The following PRRC1 variants were observed in gnomAD, a reference collection of about 807,000 sequenced individuals.
PRRC1 encodes proline rich coiled-coil 1, also known as protein PRRC1.
In PRRC1, 39 loss-of-function variants were observed where a neutral mutation model predicts 40.7. The ratio of observed to expected loss-of-function variants is 0.96; its 90% CI spans 0.74 to 1.25. PRRC1 has a LOEUF of 1.25. PRRC1 is among the 50% of genes most tolerant of loss of function. The pLI is 0.00. For missense variants in PRRC1, 573 were observed against 548.3 expected (o/e 1.05, Z -0.45); for synonymous variants, 175 against 193.3 (o/e 0.91, Z 0.79).
At chr5:127,549,405 T>C (rs1487654301) in intron 8 of PRRC1, 3 of 152,170 alleles carry the variant, frequency 2.0e-5, no homozygotes, top group African/African-American at 4.8e-5. Context: ...CATGAAAAAT[T>C]TGTCCCAAGA....
chr5:127,536,607 G>T (rs1767910154), intron 6 of PRRC1, among the ~76,000 whole-genome samples: 1 of 152,058 alleles, frequency 6.6e-6, no homozygotes, highest in South Asian at 2.1e-4. Context: ...ACTGAAATTA[G>T]AGACTAAAAC....
chr5:127,528,814 G>A (rs1767691949), intron 4 of PRRC1, among the ~76,000 whole-genome samples: 1 of 152,082 alleles, frequency 6.6e-6, no homozygotes, highest in South Asian at 2.1e-4. Flanking sequence ...ACTCAATGGA[G>A]TATTTCAATA....
chr5:127,551,768 G>T lies in PRRC1; in HGVS notation c.1190G>T (p.Gly397Val), dbSNP rs996842803. 1 of 1,614,112 alleles carries T rather than the reference G, an allele frequency of 6.2e-7. No individual in the cohort carries two copies. Among genetic ancestry groups the T allele is most frequent in the South Asian group, 1.1e-5 (1 of 91,084 alleles). Residue 397 changes from glycine to valine, a missense_variant, in exon 9 of 9, where the codon GGT becomes GTT. Physicochemically the swap from Gly to Val is moderately radical, Grantham distance 109. Coordinates refer to ENST00000296666, the MANE Select transcript of PRRC1 (RefSeq NM_130809.5). The stretch of plus-strand genomic sequence containing the variant: ...TGGTCAGGCCTTTTGGTGACAGTGG[G>T]TGAAGTCCTGGAAAAGAGTTTACTG... The part of the protein sequence containing the change: ...LRWSGLLVTV[G>V]EVLEKSLLNV...
rs1490431931 is a variant in PRRC1 at position 127,551,882 on chromosome 5, T to G, written c.1304T>G (p.Met435Arg). The G allele has an allele frequency of 6.2e-7, 1 of 1,613,928 alleles. No individual in the cohort carries two copies. Among genetic ancestry groups the G allele is most frequent in the Non-Finnish European group, 8.5e-7 (1 of 1,179,980 alleles). ...AGTGCAGCCAGAGCGATAGCGGGCATGTATAAACAGCGCCTGCCACCCAGG... is the reference window on the plus strand; with the variant it reads ...AGTGCAGCCAGAGCGATAGCGGGCAGGTATAAACAGCGCCTGCCACCCAGG... ...IYSAARAIAG[M>R]YKQRLPPRTV Residue 435 changes from methionine (M) to arginine (R), a missense_variant, in exon 9 of 9, where the codon ATG (methionine) becomes AGG (arginine). Transcript: ENST00000296666.
In PRRC1 at chr5:127,523,459, G is replaced by C; in HGVS notation, c.-20-1G>C. 1 of 1,484,154 alleles carries C rather than the reference G, an allele frequency of 6.7e-7. No homozygotes were observed. Among genetic ancestry groups the C allele is most frequent in the South Asian group, 1.2e-5 (1 of 83,130 alleles). 91.9% of individuals were successfully genotyped at this position (1,484,154 alleles called of 1,614,324 possible). On this transcript the variant is annotated splice_acceptor_variant, in intron 1 of 8. Transcript: ENST00000296666. LOFTEE classifies it low-confidence loss of function (5UTR_SPLICE). ...TTTGTTACATTTTTGTGTTTTTATAGTATACCATAATTGAAGAAAAATGAT... is the reference window on the plus strand; with the variant it reads ...TTTGTTACATTTTTGTGTTTTTATACTATACCATAATTGAAGAAAAATGAT...
At chr5:127,544,992 A>G (rs1045758271) in intron 7 of PRRC1, among the ~76,000 whole-genome samples, 1 of 152,232 alleles carries the variant, frequency 6.6e-6, no homozygotes, top group Non-Finnish European at 1.5e-5. Flanking sequence ...TGGGAGCTGT[A>G]GACAGGAGCT....
At chr5:127,519,691 G>C (rs1031159173) in intron 1 of PRRC1, among the ~76,000 whole-genome samples, 1 of 151,954 alleles carries the variant, frequency 6.6e-6, no homozygotes, top group Non-Finnish European at 1.5e-5. Flanking sequence ...TTTTCTCTTG[G>C]TATTCTCTTA....
At chr5:127,535,829 C>T (rs956588252) in intron 6 of PRRC1, among the ~76,000 whole-genome samples, 4 of 152,042 alleles carry the variant, frequency 2.6e-5, no homozygotes, top group Admixed American at 2.0e-4. Context: ...TATAATTAGT[C>T]ACTAAACACA....
chr5:127,537,630 G>A (rs1165327476), intron 6 of PRRC1, among the ~76,000 whole-genome samples: 2 of 151,890 alleles, frequency 1.3e-5, no homozygotes, highest in African/African-American at 4.8e-5. Flanking sequence ...TCTGTTCCCT[G>A]GAAGCATAAA....
chr5:127,520,449 T>C (rs1200374039), intron 1 of PRRC1, among the ~76,000 whole-genome samples: 1 of 152,236 alleles, frequency 6.6e-6, no homozygotes, highest in East Asian at 1.9e-4. Flanking sequence ...CTTCAGCAGG[T>C]ACATTTATAC....
intron 1 of PRRC1, 26 bp downstream of exon 1, chr5:127,517,802 CGTGTATGAGGGGG>C (rs1767354758): frequency 6.6e-6 from 1 of 152,528 alleles, no homozygotes; most frequent in African/African-American, 2.4e-5. Flanking sequence ...CTCCGAGGGG[CGTGTATGAGGGGG>C]GTGGCATGGC....
chr5:127,544,606 C>T (rs771745006), intron 7 of PRRC1, among the ~76,000 whole-genome samples: 3 of 152,248 alleles, frequency 2.0e-5, no homozygotes, highest in Non-Finnish European at 2.9e-5. Flanking sequence ...CCCGCAGCCT[C>T]GCTGCCGCCT....
rs755143952 is a variant in PRRC1, at chr5:127,524,569, A to G, written c.142A>G (p.Met48Val). The G allele has an allele frequency of 1.2e-6, 2 of 1,613,830 alleles. No individual in the cohort carries two copies. Among genetic ancestry groups the G allele is most frequent in the South Asian group, 1.1e-5 (1 of 91,056 alleles). ...SSFSSPNVSSMESFPPLAYST... is the reference protein window; with the variant it reads ...SSFSSPNVSSVESFPPLAYST... ...TTTTTCTTCTCCAAATGTATCCTCC[A>G]TGGAGTCCTTCCCACCACTCGCATA... The change falls in exon 3 of 9, where the codon ATG becomes GTG. Residue 48 changes from methionine (M) to valine (V), a missense_variant. Coordinates refer to ENST00000296666, the MANE Select transcript of PRRC1 (RefSeq NM_130809.5).
rs1458539265 is a variant in PRRC1, at chr5:127,553,068, A to AT, written c.*1153dup. On this transcript the variant is annotated 3_prime_UTR_variant, in exon 9 of 9. Transcript: ENST00000296666. Reference sequence around the variant, plus strand: ...TTTTCTTAATACTGTTGGACTTTGTATATACAAGTTCAAATAACTTTTTCG... The same window carrying AT: ...TTTTCTTAATACTGTTGGACTTTGTATTATACAAGTTCAAATAACTTTTTCG... The AT allele has an allele frequency of 1.2e-5, 9 of 759,746 alleles. No individual in the cohort carries two copies. The highest frequency in any genetic ancestry group is 1.9e-5 in the African/African-American group (1 of 52,548). The allele number at this position is 759,746 out of a possible 1,614,324, so 47.1% of individuals were successfully genotyped here.
At chr5:127,542,211 T>C (rs994218342) in intron 7 of PRRC1, among the ~76,000 whole-genome samples, 1 of 152,210 alleles carries the variant, frequency 6.6e-6, no homozygotes, top group Non-Finnish European at 1.5e-5. Flanking sequence ...TCCTGAGTTC[T>C]AGTTTGATTG....
rs1768438784 is a variant in PRRC1 at position 127,553,217 on chromosome 5, T to C, written c.*1301T>C. 12 of 985,364 alleles carry C rather than the reference T, an allele frequency of 1.2e-5. No individual in the cohort carries two copies. Among genetic ancestry groups the C allele is most frequent in the Non-Finnish European group, 1.3e-5 (11 of 829,832 alleles). The allele number at this position is 985,364 out of a possible 1,614,324, so 61.0% of individuals were successfully genotyped here. ...AGCTGTTGAAGCTCTTGTCCTGCAC[T>C]GTCTTTAGGTATCATAGGTATCAGG... On this transcript the variant is annotated 3_prime_UTR_variant, in exon 9 of 9. Coordinates refer to ENST00000296666, the MANE Select transcript of PRRC1 (RefSeq NM_130809.5).
chr5:127,546,595 C>T (rs1375727051), intron 7 of PRRC1, among the ~76,000 whole-genome samples: 1 of 152,134 alleles, frequency 6.6e-6, no homozygotes, highest in African/African-American at 2.4e-5. Flanking sequence ...GTACTTCAGT[C>T]ACAGTCTGAG....
At chr5:127,537,195 TA>T (rs1273560201) in intron 6 of PRRC1, among the ~76,000 whole-genome samples, 3 of 151,886 alleles carry the variant, frequency 2.0e-5, no homozygotes, top group Non-Finnish European at 4.4e-5. Flanking sequence ...GAAAATATTA[TA>T]AAATTTTAAC....
chr5:127,545,802 C>G (rs1050818647), intron 7 of PRRC1, among the ~76,000 whole-genome samples: 6 of 151,992 alleles, frequency 3.9e-5, no homozygotes, highest in African/African-American at 1.5e-4. Flanking sequence ...AGTCATCTCT[C>G]CATCTTCTTG....
Sources: gnomAD v4.1 joint callset for allele counts (sites outside exome capture counted in the v4.1 genomes callset) on GRCh38, gnomAD v4.1.1 for gene constraint, MANE v1.5 for transcripts, NCBI Gene and HGNC (gene_info 2026-07-23, HGNC 2026-07-21) for gene names.